UBE2L3: variants seen among roughly 807,000 people sequenced by gnomAD.
UBE2L3 encodes the protein ubiquitin conjugating enzyme E2 L3.
In UBE2L3, 1 loss-of-function variant was observed where a neutral mutation model predicts 17.8. The ratio of observed to expected loss-of-function variants is 0.06; its 90% CI spans 0.02 to 0.27. The LOEUF (loss-of-function observed/expected upper bound fraction) is 0.27. Ranked by LOEUF, UBE2L3 falls within the 10% of genes least tolerant of loss-of-function variation. The pLI, the probability that UBE2L3 is intolerant of heterozygous loss-of-function variation, is 1.00. For missense variants in UBE2L3, 40 were observed against 192.6 expected (o/e 0.21, Z 4.69); for synonymous variants, 44 against 68.5 (o/e 0.64, Z 1.76).
intron 3 of UBE2L3, among the ~76,000 whole-genome samples, chr22:21,615,973 A>G (rs996882086): frequency 2.6e-5 from 4 of 152,318 alleles, no homozygotes; most frequent in Admixed American, 2.0e-4. Flanking sequence ...GAAGGTCATG[A>G]TATGCCTTTT....
rs537210582 is a variant in UBE2L3 at position 21,610,255 on chromosome 22, A to G, written c.124-602A>G. Among the ~76,000 whole-genome samples the G allele has an allele frequency of 1.6e-4, 25 of 152,294 alleles. No homozygotes were observed. The East Asian group carries it at 3.3e-3, about 20-fold the overall frequency. On this transcript the variant is annotated intron_variant, in intron 2 of 3. Coordinates refer to ENST00000342192, the MANE Select transcript of UBE2L3 (RefSeq NM_003347.4). ...CCCATCATGACCTAATCACTTCCCAATGGTCCCAACTCCTAATACCATCAC... is the reference window on the plus strand; with the variant it reads ...CCCATCATGACCTAATCACTTCCCAGTGGTCCCAACTCCTAATACCATCAC...
At chr22:21,608,172 C>T (rs1276372199) in intron 2 of UBE2L3, among the ~76,000 whole-genome samples, 3 of 152,216 alleles carry the variant, frequency 2.0e-5, no homozygotes, top group South Asian at 2.1e-4. Flanking sequence ...CAGGAACTCT[C>T]GCTCTTTCCT....
intron 1 of UBE2L3, among the ~76,000 whole-genome samples, chr22:21,588,760 T>G (rs957453509): frequency 6.6e-6 from 1 of 151,880 alleles, no homozygotes; most frequent in African/African-American, 2.4e-5. Flanking sequence ...GCCTCCTGGG[T>G]TCAAGCAGTT....
At position 21,582,135 on chromosome 22, in the gene UBE2L3, A is replaced by C. The variant is rs572073515; in HGVS notation, c.28-10726A>C. Among the ~76,000 whole-genome samples, 137 of 150,680 alleles carry C rather than the reference A, an allele frequency of 9.1e-4. 1 individual carries two copies. The highest frequency in any genetic ancestry group is 8.2e-3 in the East Asian group (42 of 5,132). On this transcript the variant is annotated intron_variant, in intron 1 of 3. Transcript: ENST00000342192. ...ACTTCATCTCAAAAAAAAAAACAAA[A>C]AAACAAACAAAAAAAAAAACAGTTC...
intron 3 of UBE2L3, among the ~76,000 whole-genome samples, chr22:21,619,247 G>A (rs2148450232): frequency 6.6e-6 from 1 of 152,230 alleles, no homozygotes; most frequent in East Asian, 1.9e-4. Flanking sequence ...ATAAATAAAT[G>A]TTTATTAAAT....
chr22:21,557,239 C>T (rs1266498799), intron 1 of UBE2L3, among the ~76,000 whole-genome samples: 5 of 152,140 alleles, frequency 3.3e-5, no homozygotes, highest in East Asian at 1.9e-4. Context: ...TGGTGGTGCA[C>T]GCCTGTAGTC....
At chr22:21,596,313 G>T (rs2148426024) in intron 2 of UBE2L3, among the ~76,000 whole-genome samples, 1 of 151,956 alleles carries the variant, frequency 6.6e-6, no homozygotes, top group Non-Finnish European at 1.5e-5. Flanking sequence ...CAATCCTCCT[G>T]AGTAGCCAGG....
intron 1 of UBE2L3, among the ~76,000 whole-genome samples, chr22:21,556,455 G>A (rs9607026): frequency 0.19 from 27,358 of 145,538 alleles, no homozygotes; most frequent in Non-Finnish European, 0.25. Context: ...TTGGAGACAG[G>A]GTCTTGCTCT....
At chr22:21,603,133 C>A (rs1331497270) in intron 2 of UBE2L3, among the ~76,000 whole-genome samples, 1 of 152,182 alleles carries the variant, frequency 6.6e-6, no homozygotes, top group Non-Finnish European at 1.5e-5. Context: ...CTCTTATTTA[C>A]ATGCATGCAT....
intron 1 of UBE2L3, among the ~76,000 whole-genome samples, chr22:21,584,892 C>T (rs962090704): frequency 1.3e-5 from 2 of 152,098 alleles, no homozygotes; most frequent in Admixed American, 6.5e-5. Context: ...GCCTGGGAGG[C>T]GGAGGTTGGA....
intron 1 of UBE2L3, among the ~76,000 whole-genome samples, chr22:21,561,701 ACAGG>A (rs1259460104): frequency 1.3e-5 from 2 of 152,288 alleles, no homozygotes; most frequent in Non-Finnish European, 2.9e-5. Flanking sequence ...CAAAGGCACC[ACAGG>A]CAGAGGGAAC....
At chr22:21,558,355 G>C (rs1000521640) in intron 1 of UBE2L3, among the ~76,000 whole-genome samples, 1 of 152,232 alleles carries the variant, frequency 6.6e-6, no homozygotes, top group African/African-American at 2.4e-5. Context: ...ATTTTTGGCC[G>C]GGCGCAGTGG....
At chr22:21,603,625 T>C (rs1031031195) in intron 2 of UBE2L3, among the ~76,000 whole-genome samples, 2 of 149,750 alleles carry the variant, frequency 1.3e-5, no homozygotes, top group Non-Finnish European at 3.0e-5. Context: ...GGGCGGATCA[T>C]GAGGTCAGGA....
chr22:21,560,390 C>T (rs1926389058), intron 1 of UBE2L3, among the ~76,000 whole-genome samples: 1 of 152,236 alleles, frequency 6.6e-6, no homozygotes, highest in Non-Finnish European at 1.5e-5. Flanking sequence ...ACACTGCTGC[C>T]AGGACAGACG....
At chr22:21,607,514 TAAAAAAAAAA>T (rs758366095) in intron 2 of UBE2L3, among the ~76,000 whole-genome samples, 2 of 108,980 alleles carry the variant, frequency 1.8e-5, no homozygotes, top group African/African-American at 3.5e-5. Flanking sequence ...GACTCCGTCT[TAAAAAAAAAA>T]AAAAAAAAAA....
At chr22:21,595,014 T>C (rs1928442054) in intron 2 of UBE2L3, among the ~76,000 whole-genome samples, 1 of 152,246 alleles carries the variant, frequency 6.6e-6, no homozygotes, top group African/African-American at 2.4e-5. Flanking sequence ...GGGCATGCTC[T>C]GCCCCAACTC....
chr22:21,613,835 G>T (rs1456791845), intron 3 of UBE2L3, among the ~76,000 whole-genome samples: 1 of 152,144 alleles, frequency 6.6e-6, no homozygotes, highest in African/African-American at 2.4e-5. Flanking sequence ...AGGCACTTCG[G>T]TTCTCTTTGT....
chr22:21,617,519 G>A (rs942068580), intron 3 of UBE2L3, among the ~76,000 whole-genome samples: 2 of 151,974 alleles, frequency 1.3e-5, no homozygotes, highest in Non-Finnish European at 2.9e-5. Context: ...TGCCCACTTC[G>A]GCTTCCCAAA....
intron 2 of UBE2L3, among the ~76,000 whole-genome samples, chr22:21,594,975 C>G (rs1032146327): frequency 1.3e-5 from 2 of 152,218 alleles, no homozygotes; most frequent in Non-Finnish European, 2.9e-5. Flanking sequence ...TGAGAGCCTG[C>G]TAGCCAGCTC....
Sources: allele counts gnomAD v4.1 joint callset (sites outside exome capture counted in the v4.1 genomes callset), GRCh38; gene constraint gnomAD v4.1.1; transcripts MANE v1.5; gene names NCBI Gene and HGNC (gene_info 2026-07-23, HGNC 2026-07-21).